The following MSANTD3 variants were observed in gnomAD, a reference collection of about 807,000 sequenced individuals.
The protein encoded by MSANTD3 is myb/SANT-like DNA-binding domain-containing protein 3.
In MSANTD3, 11 loss-of-function variants were observed where a neutral mutation model predicts 27.7. The ratio of observed to expected loss-of-function variants is 0.40; its 90% confidence interval spans 0.25 to 0.66. The LOEUF is 0.66. MSANTD3 is among the 30% of genes least tolerant of loss of function. The pLI is 0.41. For synonymous variants in MSANTD3, 131 were observed against 127.2 expected, an observed-to-expected ratio of 1.03 and a Z score of -0.20; for missense variants, 250 against 336.5, an observed-to-expected ratio of 0.74 and a Z score of 2.01.
chr9:100,440,540 T>G (rs1389306403), intron 1 of MSANTD3, among the ~76,000 whole-genome samples: 1 of 151,804 alleles, frequency 6.6e-6, no homozygotes, highest in Non-Finnish European at 1.5e-5. Flanking sequence ...ATGAAAAAAC[T>G]GAGGTTGCCA....
intron 2 of MSANTD3, chr9:100,448,536 G>C: frequency 1.0e-6 from 1 of 985,274 alleles, no homozygotes; most frequent in Non-Finnish European, 1.2e-6. Context: ...TCCATGGTTG[G>C]GCGTGTTGGG....
At chr9:100,430,697 G>C (rs1395029172) in intron 1 of MSANTD3, among the ~76,000 whole-genome samples, 1 of 152,168 alleles carries the variant, frequency 6.6e-6, no homozygotes, top group East Asian at 1.9e-4. Context: ...GGAGAGGAGG[G>C]AACAGATGTT....
chr9:100,445,557 T>TTTTTA (rs1836734331), intron 2 of MSANTD3, among the ~76,000 whole-genome samples: 1 of 152,200 alleles, frequency 6.6e-6, no homozygotes, highest in Non-Finnish European at 1.5e-5. Flanking sequence ...ATTTCACCTT[T>TTTTTA]TTTTATTTTT....
At chr9:100,448,462 G>C in intron 2 of MSANTD3, 1 of 985,396 alleles carries the variant, frequency 1.0e-6, no homozygotes, top group Non-Finnish European at 1.2e-6. Context: ...CCTGTTCTCA[G>C]TGTTAACCCT....
chr9:100,440,613 A>C (rs1836592079), intron 1 of MSANTD3, among the ~76,000 whole-genome samples: 1 of 142,576 alleles, frequency 7.0e-6, no homozygotes, highest in South Asian at 2.2e-4. Context: ...TTTTTTTGAG[A>C]CAGTGTCTCC....
At chr9:100,443,925 A>G (rs982107504) in intron 2 of MSANTD3, among the ~76,000 whole-genome samples, 1 of 152,192 alleles carries the variant, frequency 6.6e-6, no homozygotes, top group Non-Finnish European at 1.5e-5. Flanking sequence ...CCCCAGGAAA[A>G]TCTGGTTCTC....
intron 2 of MSANTD3, chr9:100,448,312 G>A: frequency 1.0e-6 from 1 of 984,980 alleles, no homozygotes; most frequent in Non-Finnish European, 1.2e-6. Context: ...CCCCTGGAAT[G>A]AAATCAAAGA....
At chr9:100,436,487 C>T (rs893139558) in intron 1 of MSANTD3, among the ~76,000 whole-genome samples, 4 of 152,180 alleles carry the variant, frequency 2.6e-5, no homozygotes, top group African/African-American at 4.8e-5. Flanking sequence ...CATATACTGT[C>T]TAGCAGAACA....
In MSANTD3 at chr9:100,430,032, A is replaced by G. The variant is rs140098430; in HGVS notation, c.-34+2639A>G. Among the ~76,000 whole-genome samples the G allele has an allele frequency of 4.5e-3, 630 of 140,048 alleles. 3 individuals carry two copies. Among genetic ancestry groups the G allele is most frequent in the African/African-American group, 0.016 (593 of 37,046 alleles). The allele number at this position is 140,048 out of a possible 152,430, so 91.9% of individuals were successfully genotyped here. A position where few individuals can be genotyped will look rare whatever the true frequency, so the allele number is the denominator to read the frequency against. On this transcript the variant is annotated intron_variant, in intron 1 of 2. Transcript: ENST00000395067. ...CACAGGTTTTGAATGCTCCTTTACCACCTAACTTTGATCTCTTTTACCTTT... is the reference window on the plus strand; with the variant it reads ...CACAGGTTTTGAATGCTCCTTTACCGCCTAACTTTGATCTCTTTTACCTTT...
At chr9:100,427,430 C>G (rs1391269598) in intron 1 of MSANTD3, 37 bp downstream of exon 1, 2 of 148,316 alleles carry the variant, frequency 1.3e-5, no homozygotes, top group Non-Finnish European at 3.0e-5. Flanking sequence ...CGCAGCCGGG[C>G]GGGGGCGGGG....
Position 100,448,143 on chromosome 9 carries a change from A to T in MSANTD3, c.419-2414A>T, listed in dbSNP as rs141782366. The stretch of plus-strand genomic sequence containing the variant: ...GAGCCAGAGATGGCAGTGAGCTGAG[A>T]TCACGCCACTGCCCTCCAGCCTGGG... On this transcript the variant is annotated intron_variant, in intron 2 of 2. Transcript: ENST00000395067. 53 of 888,874 alleles carry T rather than the reference A, an allele frequency of 6.0e-5. No homozygotes were observed. In the East Asian group the frequency reaches 5.8e-3, roughly 97 times the overall value. 55.1% of individuals were successfully genotyped at this position (888,874 alleles called of 1,614,324 possible). A position where few individuals can be genotyped will look rare whatever the true frequency, so the allele number is the denominator to read the frequency against.
chr9:100,447,511 C>T (rs1348556295), intron 2 of MSANTD3, among the ~76,000 whole-genome samples: 1 of 152,116 alleles, frequency 6.6e-6, no homozygotes, highest in Non-Finnish European at 1.5e-5. Flanking sequence ...GATCAAAATG[C>T]AGGATACACG....
intron 2 of MSANTD3, chr9:100,444,981 TA>T (rs1836719638): frequency 1.9e-6 from 1 of 520,814 alleles, no homozygotes; most frequent in African/African-American, 1.9e-5. Context: ...TGGTGATTAT[TA>T]AAGCATAGCC....
At chr9:100,437,146 A>G (rs1002717476) in intron 1 of MSANTD3, among the ~76,000 whole-genome samples, 4 of 152,162 alleles carry the variant, frequency 2.6e-5, no homozygotes, top group Non-Finnish European at 4.4e-5. Context: ...AAATTATTTC[A>G]GAGCTCTGGT....
chr9:100,434,212 C>T (rs1283373156), intron 1 of MSANTD3, among the ~76,000 whole-genome samples: 8 of 152,210 alleles, frequency 5.3e-5, no homozygotes, highest in Non-Finnish European at 1.2e-4. Context: ...CATATACATC[C>T]TGCTCATTTC....
intron 1 of MSANTD3, among the ~76,000 whole-genome samples, chr9:100,434,902 A>G (rs1042099644): frequency 6.6e-6 from 1 of 152,128 alleles, no homozygotes; most frequent in Non-Finnish European, 1.5e-5. Flanking sequence ...GGAGTTCATT[A>G]CATATTTGTT....
At chr9:100,448,428 C>CA (rs1587795484) in intron 2 of MSANTD3, 1 of 985,324 alleles carries the variant, frequency 1.0e-6, no homozygotes, top group East Asian at 1.1e-4. Context: ...ATGCTCTTTG[C>CA]AGTTGAAACT....
intron 1 of MSANTD3, among the ~76,000 whole-genome samples, chr9:100,431,222 G>A (rs767499735): frequency 6.6e-6 from 1 of 150,940 alleles, no homozygotes; most frequent in African/African-American, 2.4e-5. Context: ...GGCTGGTCTC[G>A]AACTCCCGAC....
chr9:100,444,860 A>G lies in MSANTD3; in HGVS notation c.418+2504A>G, dbSNP rs7871912. On this transcript the variant is annotated intron_variant, in intron 2 of 2. Transcript: ENST00000395067. ...TTTTCAGCAAGAAGGGAATAAAGGT[A>G]CATTCTCAGTGTTTTTCTTATAGTA... The G allele has an allele frequency of 2.5e-3, 536 of 214,078 alleles. 1 individual carries two copies. Among genetic ancestry groups the G allele is most frequent in the Non-Finnish European group, 3.0e-3 (324 of 109,126 alleles). 13.3% of individuals were successfully genotyped at this position (214,078 alleles called of 1,614,324 possible).
Sources: allele counts gnomAD v4.1 joint callset (sites outside exome capture counted in the v4.1 genomes callset), GRCh38; gene constraint gnomAD v4.1.1; transcripts MANE v1.5; gene names NCBI Gene and HGNC (gene_info 2026-07-23, HGNC 2026-07-21).